The following CHST8 variants were observed in gnomAD, a reference collection of about 807,000 sequenced individuals.
CHST8 encodes carbohydrate sulfotransferase 8, also known as GALNAC-4-ST1.
Under a neutral mutation model 15.0 loss-of-function variants are expected in CHST8, and 10 were observed. That is an observed-to-expected ratio of 0.67 (90% confidence interval 0.41 to 1.13). The LOEUF (loss-of-function observed/expected upper bound fraction) is 1.13, where lower values mean the gene tolerates loss of function less well. Ranked by LOEUF, CHST8 falls within the 50% of genes most tolerant of loss-of-function variation. The pLI, the probability that CHST8 is intolerant of heterozygous loss-of-function variation, is 0.00. For synonymous variants in CHST8, 259 were observed against 256.6 expected (o/e 1.01, Z -0.09); for missense variants, 634 against 608.2 (o/e 1.04, Z -0.45).
At chr19:33,771,910 C>T in intron 4 of CHST8, 47 bp from the exon 5 acceptor site, 1 of 1,520,322 alleles carries the variant, frequency 6.6e-7, no homozygotes, top group South Asian at 1.3e-5. Flanking sequence ...GCCCTCAGTG[C>T]CCAGCTGTCC....
chr19:33,635,663 C>T (rs890620236), intron 1 of CHST8, among the ~76,000 whole-genome samples: 4 of 152,088 alleles, frequency 2.6e-5, no homozygotes, highest in Admixed American at 6.6e-5. Context: ...TCCCTGAGGG[C>T]CAGCAGTGGA....
intron 1 of CHST8, among the ~76,000 whole-genome samples, chr19:33,626,501 G>A (rs1371369642): frequency 6.6e-6 from 1 of 152,218 alleles, no homozygotes; most frequent in East Asian, 1.9e-4. Context: ...GTTAGAGGTG[G>A]GGCCTGGTGG....
chr19:33,768,859 C>T lies in CHST8; in HGVS notation c.131-2554C>T, dbSNP rs58856571. Among the ~76,000 whole-genome samples, 407 of 152,312 alleles carry T rather than the reference C, an allele frequency of 2.7e-3. 4 individuals are homozygous for T. The highest frequency in any genetic ancestry group is 9.4e-3 in the African/African-American group (389 of 41,556). ...GGGAATAGCTTATGGCAAACTCAGG[C>T]TCTACTTAAGATGTTACTGATCTCT... On this transcript the variant is annotated intron_variant, in intron 3 of 4. Transcript: ENST00000650847.
chr19:33,631,627 G>A (rs143052192), intron 1 of CHST8, among the ~76,000 whole-genome samples: 1 of 152,190 alleles, frequency 6.6e-6, no homozygotes, highest in African/African-American at 2.4e-5. Flanking sequence ...GCCTCATGAG[G>A]TTTGGCCTCA....
chr19:33,721,206 CG>C (rs1973783289), intron 3 of CHST8, among the ~76,000 whole-genome samples: 1 of 152,188 alleles, frequency 6.6e-6, no homozygotes, highest in Non-Finnish European at 1.5e-5. Context: ...GCAGGGTCCT[CG>C]GAGTCAGCAT....
chr19:33,752,522 C>A (rs937065815), intron 3 of CHST8, among the ~76,000 whole-genome samples: 1 of 152,150 alleles, frequency 6.6e-6, no homozygotes, highest in East Asian at 1.9e-4. Flanking sequence ...TCACAGGCAA[C>A]GATACTGAGG....
intron 1 of CHST8, among the ~76,000 whole-genome samples, chr19:33,656,145 G>T (rs74693165): frequency 6.6e-6 from 1 of 151,748 alleles, no homozygotes; most frequent in Non-Finnish European, 1.5e-5. Context: ...TATTCAGGAG[G>T]GTACTTTAAA....
chr19:33,659,030 ATTT>A (rs906835525), intron 1 of CHST8, among the ~76,000 whole-genome samples: 1 of 83,568 alleles, frequency 1.2e-5, no homozygotes, highest in African/African-American at 4.6e-5. Flanking sequence ...GCTAGATTCT[ATTT>A]TTATTGTTTC....
chr19:33,713,014 A>T (rs73033196), intron 3 of CHST8, among the ~76,000 whole-genome samples: 22,063 of 152,010 alleles, frequency 0.15, 1,703 homozygotes, highest in African/African-American at 0.19. Context: ...CCCTCGCCCC[A>T]TGGAGAGCAG....
At chr19:33,743,401 A>T (rs527820924) in intron 3 of CHST8, among the ~76,000 whole-genome samples, 1 of 145,034 alleles carries the variant, frequency 6.9e-6, no homozygotes, top group African/African-American at 2.6e-5. Flanking sequence ...CCGGGGGTTC[A>T]TGCCATTCTC....
chr19:33,675,416 GAGCAGAGCCACT>G, intron 2 of CHST8, among the ~76,000 whole-genome samples: 1 of 152,332 alleles, frequency 6.6e-6, no homozygotes, highest in East Asian at 1.9e-4. Flanking sequence ...CCAAGGACAG[GAGCAGAGCCACT>G]AGCAGAGCCT....
At chr19:33,701,136 TGTGGACCCTGTCTCTGCA>T (rs1973326727) in intron 3 of CHST8, among the ~76,000 whole-genome samples, 1 of 152,158 alleles carries the variant, frequency 6.6e-6, no homozygotes, top group Non-Finnish European at 1.5e-5. Flanking sequence ...GGGAGCCCAC[TGTGGACCCTGTCTCTGCA>T]GTGAAAGTTT....
chr19:33,706,370 C>T (rs1442035907), intron 3 of CHST8, among the ~76,000 whole-genome samples: 2 of 152,174 alleles, frequency 1.3e-5, no homozygotes, highest in Non-Finnish European at 2.9e-5. Context: ...GCATCTGGCC[C>T]TCACCCATAA....
At chr19:33,739,110 A>C (rs1356512603) in intron 3 of CHST8, among the ~76,000 whole-genome samples, 1 of 151,956 alleles carries the variant, frequency 6.6e-6, no homozygotes, top group African/African-American at 2.4e-5. Flanking sequence ...TTTTAACTTG[A>C]CTCTGCATCC....
At chr19:33,672,372 A>T (rs1972749013) in intron 2 of CHST8, among the ~76,000 whole-genome samples, 1 of 151,956 alleles carries the variant, frequency 6.6e-6, no homozygotes. Context: ...TGATTTTTGT[A>T]TTTTTTGTAG....
chr19:33,707,347 C>G (rs576586559), intron 3 of CHST8, among the ~76,000 whole-genome samples: 2 of 152,278 alleles, frequency 1.3e-5, no homozygotes, highest in East Asian at 3.9e-4. Context: ...AGCCACCTAG[C>G]CTGACCTAAT....
At chr19:33,749,804 C>T (rs573814997) in intron 3 of CHST8, among the ~76,000 whole-genome samples, 43 of 152,308 alleles carry the variant, frequency 2.8e-4, no homozygotes, top group African/African-American at 1.0e-3. Context: ...AGGACATGTG[C>T]CCTTAGCTAT....
chr19:33,753,082 T>C (rs569277749), intron 3 of CHST8, among the ~76,000 whole-genome samples: 4 of 152,152 alleles, frequency 2.6e-5, no homozygotes, highest in Non-Finnish European at 4.4e-5. Flanking sequence ...TGCATTTGAA[T>C]TGGAGCCACC....
intron 1 of CHST8, among the ~76,000 whole-genome samples, chr19:33,659,059 C>CTTTTTTTTTTTTT (rs71181374): frequency 3.8e-5 from 3 of 78,842 alleles, no homozygotes; most frequent in East Asian, 4.0e-4. Context: ...TAGGTAATGA[C>CTTTTTTTTTTTTT]TTTTTTTTTT....
Sources: allele counts gnomAD v4.1 joint callset (sites outside exome capture counted in the v4.1 genomes callset), GRCh38; gene constraint gnomAD v4.1.1; transcripts MANE v1.5; gene names NCBI Gene and HGNC (gene_info 2026-07-23, HGNC 2026-07-21).